The following GABRB1 variants were observed in gnomAD, a reference collection of about 807,000 sequenced individuals.
The protein encoded by GABRB1 is gamma-aminobutyric acid type A receptor subunit beta1.
A neutral mutation model predicts 51.6 loss-of-function variants in GABRB1; 17 were observed. That is an observed-to-expected ratio of 0.33 (90% CI 0.23 to 0.49). GABRB1 has a LOEUF of 0.49. Among genes scored for constraint, GABRB1 ranks in the 20% least tolerant of loss-of-function variants. The pLI is 0.99. For missense variants in GABRB1, 410 were observed against 600.6 expected, an observed-to-expected ratio of 0.68 and a Z score of 3.32; for synonymous variants, 247 against 218.9, an observed-to-expected ratio of 1.13 and a Z score of -1.14.
At chr4:47,290,597 T>C (rs1019110730) in intron 4 of GABRB1, among the ~76,000 whole-genome samples, 6 of 152,144 alleles carry the variant, frequency 3.9e-5, no homozygotes, top group African/African-American at 1.2e-4. Flanking sequence ...TCCTAGAGAC[T>C]TGTTGAATAG....
chr4:47,150,359 C>G (rs1445676902), intron 3 of GABRB1, among the ~76,000 whole-genome samples: 3 of 110,760 alleles, frequency 2.7e-5, no homozygotes, highest in South Asian at 7.4e-4. Context: ...TACACACACA[C>G]ACACGCACAT....
At chr4:47,338,592 C>T (rs1725780691) in intron 5 of GABRB1, among the ~76,000 whole-genome samples, 1 of 152,178 alleles carries the variant, frequency 6.6e-6, no homozygotes, top group Non-Finnish European at 1.5e-5. Context: ...ACACGTATTT[C>T]TCCCTATTAT....
chr4:47,416,778 A>G (rs550087817), intron 8 of GABRB1, among the ~76,000 whole-genome samples: 18 of 151,766 alleles, frequency 1.2e-4, no homozygotes, highest in Middle Eastern at 6.8e-3. Flanking sequence ...TTTCTTTGAG[A>G]TGGAGTCTCA....
chr4:47,365,128 C>G (rs749655415), intron 5 of GABRB1, among the ~76,000 whole-genome samples: 3 of 152,178 alleles, frequency 2.0e-5, no homozygotes, highest in Non-Finnish European at 2.9e-5. Context: ...CCTGTACATC[C>G]TTCCACCTCT....
intron 5 of GABRB1, among the ~76,000 whole-genome samples, chr4:47,352,105 A>G (rs1026045397): frequency 9.9e-5 from 15 of 152,086 alleles, no homozygotes; most frequent in Admixed American, 8.5e-4. Flanking sequence ...TGCCATTCTA[A>G]CTGGTGTGAG....
intron 4 of GABRB1, among the ~76,000 whole-genome samples, chr4:47,194,020 G>C (rs1225754428): frequency 2.0e-5 from 3 of 152,134 alleles, no homozygotes; most frequent in Non-Finnish European, 4.4e-5. Flanking sequence ...GAAAATGACA[G>C]TATTAAACTA....
chr4:47,333,320 G>A (rs941369504), intron 5 of GABRB1, among the ~76,000 whole-genome samples: 25 of 150,768 alleles, frequency 1.7e-4, no homozygotes, highest in Non-Finnish European at 2.7e-4. Flanking sequence ...CTATACTTGG[G>A]AGAGACATGG....
intron 4 of GABRB1, among the ~76,000 whole-genome samples, chr4:47,207,230 T>C (rs1720173769): frequency 1.3e-5 from 2 of 152,144 alleles, no homozygotes; most frequent in Non-Finnish European, 1.5e-5. Context: ...ATTAACTTGA[T>C]GTTAATGTAA....
chr4:47,208,505 T>C (rs185578489), intron 4 of GABRB1, among the ~76,000 whole-genome samples: 13 of 152,230 alleles, frequency 8.5e-5, no homozygotes, highest in Non-Finnish European at 1.6e-4. Context: ...GTTACACATA[T>C]TTAACCACAA....
At chr4:47,128,570 G>A (rs80287764) in intron 3 of GABRB1, among the ~76,000 whole-genome samples, 4,926 of 152,042 alleles carry the variant, frequency 0.032, 378 homozygotes, top group East Asian at 0.17. Flanking sequence ...CCATTTATAT[G>A]AGACTCAAGA....
intron 7 of GABRB1, among the ~76,000 whole-genome samples, chr4:47,405,862 C>A (rs935665010): frequency 2.0e-5 from 3 of 152,074 alleles, no homozygotes; most frequent in Non-Finnish European, 4.4e-5. Context: ...TACAGCTAAA[C>A]AAACATTATA....
At chr4:47,295,320 A>G (rs576446227) in intron 4 of GABRB1, among the ~76,000 whole-genome samples, 146 of 152,344 alleles carry the variant, frequency 9.6e-4, no homozygotes, top group African/African-American at 3.4e-3. Context: ...GAGCTACAGG[A>G]GGAAATTCAA....
At chr4:47,230,236 G>A (rs957211551) in intron 4 of GABRB1, among the ~76,000 whole-genome samples, 7 of 152,118 alleles carry the variant, frequency 4.6e-5, no homozygotes, top group Non-Finnish European at 8.8e-5. Flanking sequence ...GGAGAATGTT[G>A]CATGACAGGA....
chr4:47,215,105 G>C (rs140761824), intron 4 of GABRB1, among the ~76,000 whole-genome samples: 4 of 152,180 alleles, frequency 2.6e-5, no homozygotes, highest in African/African-American at 7.2e-5. Flanking sequence ...GGTGGGACTT[G>C]TATAAGGATC....
rs577028923 is a variant in GABRB1, at chr4:47,034,316, G to A, written c.240+1832G>A. ...GAAGTTGCTGCAATCAACAACCACC[G>A]TAACAAAAAGTTCTGTATAATTAGT... On this transcript the variant is annotated intron_variant, in intron 3 of 8. Coordinates refer to ENST00000295454, the MANE Select transcript of GABRB1 (RefSeq NM_000812.4). Among the ~76,000 whole-genome samples, 61 of 151,854 alleles carry A rather than the reference G, an allele frequency of 4.0e-4. 1 individual carries two copies. The highest frequency in any genetic ancestry group is 3.5e-3 in the Admixed American group (54 of 15,254).
At chr4:47,105,562 C>A (rs1577912655) in intron 3 of GABRB1, among the ~76,000 whole-genome samples, 1 of 152,116 alleles carries the variant, frequency 6.6e-6, no homozygotes, top group African/African-American at 2.4e-5. Context: ...TCCTTGACAA[C>A]CAGTGGAGAT....
chr4:47,377,143 G>T (rs564079975), intron 5 of GABRB1, among the ~76,000 whole-genome samples: 2 of 151,996 alleles, frequency 1.3e-5, no homozygotes, highest in South Asian at 2.1e-4. Context: ...GGAGTTGTGC[G>T]TTTTTTTGTT....
chr4:47,026,597 C>T (rs1290253288), upstream of GABRB1, among the ~76,000 whole-genome samples: 1 of 151,912 alleles, frequency 6.6e-6, no homozygotes, highest in African/African-American at 2.4e-5. Flanking sequence ...TTTCCTGACC[C>T]ACAGCATTAC....
chr4:47,260,930 C>T (rs1479929872), intron 4 of GABRB1, among the ~76,000 whole-genome samples: 1 of 152,112 alleles, frequency 6.6e-6, no homozygotes, highest in Non-Finnish European at 1.5e-5. Context: ...AGCATATAAA[C>T]AGAACCAAAG....
Sources: gnomAD v4.1 joint callset for allele counts (sites outside exome capture counted in the v4.1 genomes callset) on GRCh38, gnomAD v4.1.1 for gene constraint, MANE v1.5 for transcripts, NCBI Gene and HGNC (gene_info 2026-07-23, HGNC 2026-07-21) for gene names.